The following UBE3A variants were observed in gnomAD, a reference collection of about 807,000 sequenced individuals.
UBE3A encodes the protein ubiquitin protein ligase E3A, also known as ubiquitin-protein ligase E3A.
In UBE3A, 6 loss-of-function variants were observed where a neutral mutation model predicts 83.4. That is an observed-to-expected ratio of 0.07 (90% CI 0.04 to 0.14). The LOEUF (loss-of-function observed/expected upper bound fraction) is 0.14, where lower values mean the gene tolerates loss of function less well. UBE3A is among the 10% of genes least tolerant of loss of function. The pLI is 1.00. For synonymous variants in UBE3A, 337 were observed against 355.4 expected (o/e 0.95, Z 0.58); for missense variants, 456 against 1,036.1 (o/e 0.44, Z 7.69).
intron 12 of UBE3A, 102 bp downstream of exon 12, chr15:25,339,983 A>G: frequency 6.8e-7 from 1 of 1,468,442 alleles, no homozygotes; most frequent in Admixed American, 1.7e-5. Flanking sequence ...TTGTATATAA[A>G]ATCACGAATG....
intron 11 of UBE3A, among the ~76,000 whole-genome samples, chr15:25,342,474 G>C (rs1033398890): frequency 2.6e-5 from 4 of 152,074 alleles, no homozygotes; most frequent in Non-Finnish European, 5.9e-5. Flanking sequence ...ATTCCTATAA[G>C]TGTTATGTGT....
At chr15:25,408,401 T>A in intron 3 of UBE3A, 1 of 628,452 alleles carries the variant, frequency 1.6e-6, no homozygotes, top group Non-Finnish European at 2.8e-6. Flanking sequence ...GAAATTTTTG[T>A]ATTAAACTAT....
intron 4 of UBE3A, among the ~76,000 whole-genome samples, chr15:25,380,611 C>T (rs2082017133): frequency 1.3e-5 from 2 of 151,904 alleles, no homozygotes; most frequent in Non-Finnish European, 2.9e-5. Flanking sequence ...GGAGAGGATG[C>T]AAAAGAAAAA....
intron 1 of UBE3A, among the ~76,000 whole-genome samples, chr15:25,428,104 GA>G (rs1891951715): frequency 6.6e-6 from 1 of 152,012 alleles, no homozygotes; most frequent in Non-Finnish European, 1.5e-5. Context: ...GACAAAGGCA[GA>G]AGAACATAAC....
At chr15:25,379,821 G>A (rs1057150088) in intron 4 of UBE3A, among the ~76,000 whole-genome samples, 2 of 152,038 alleles carry the variant, frequency 1.3e-5, no homozygotes, top group Non-Finnish European at 2.9e-5. Context: ...ATTTTTAAAT[G>A]GCTGGAAAAA....
At chr15:25,375,899 G>C (rs2081122737) in intron 4 of UBE3A, 136 bp from the exon 5 acceptor site, 1 of 914,710 alleles carries the variant, frequency 1.1e-6, no homozygotes, top group Non-Finnish European at 1.7e-6. Flanking sequence ...GTAGAAAATG[G>C]AGATGCACTA....
chr15:25,358,045 C>A (rs1047534013), intron 7 of UBE3A, among the ~76,000 whole-genome samples: 1 of 151,524 alleles, frequency 6.6e-6, no homozygotes, highest in Non-Finnish European at 1.5e-5. Context: ...GGACTACAGG[C>A]GCCTGCGTGG....
At chr15:25,393,311 CTGAGA>C (rs1172423519) in intron 4 of UBE3A, among the ~76,000 whole-genome samples, 8 of 152,064 alleles carry the variant, frequency 5.3e-5, no homozygotes, top group African/African-American at 1.9e-4. Context: ...ATGCTACAAG[CTGAGA>C]TGTTAGTAAA....
chr15:25,342,811 C>G (rs1213173590), intron 11 of UBE3A, among the ~76,000 whole-genome samples: 1 of 152,244 alleles, frequency 6.6e-6, no homozygotes, highest in East Asian at 1.9e-4. Flanking sequence ...CCCACCCCCT[C>G]CACCACCTGC....
chr15:25,379,711 G>A (rs540402721), intron 4 of UBE3A, among the ~76,000 whole-genome samples: 6 of 152,202 alleles, frequency 3.9e-5, no homozygotes, highest in East Asian at 1.9e-4. Flanking sequence ...TAGTTCCTGC[G>A]CAAGGGAAAT....
chr15:25,362,024 T>A (rs1258148157), intron 6 of UBE3A, among the ~76,000 whole-genome samples: 1 of 152,224 alleles, frequency 6.6e-6, no homozygotes, highest in Admixed American at 6.5e-5. Context: ...TAGTGGGTAG[T>A]CTAATCCATT....
chr15:25,362,138 A>C (rs1160616830), intron 6 of UBE3A, among the ~76,000 whole-genome samples: 1 of 152,204 alleles, frequency 6.6e-6, no homozygotes, highest in African/African-American at 2.4e-5. Flanking sequence ...ACAGATGGAT[A>C]AGCATGTACT....
intron 1 of UBE3A, among the ~76,000 whole-genome samples, chr15:25,434,936 C>A (rs1894555391): frequency 6.6e-6 from 1 of 150,834 alleles, no homozygotes; most frequent in Non-Finnish European, 1.5e-5. Context: ...TTGAAGACAA[C>A]TGCCGGAGTA....
At position 25,375,259 on chromosome 15, in the gene UBE3A, T is replaced by A. The variant is rs1171787055; in HGVS notation, c.361+206A>T. The A allele has an allele frequency of 6.7e-6, 4 of 599,022 alleles. No homozygotes were observed. In the African/African-American group the frequency reaches 7.4e-5, roughly 11 times the overall value. The allele number at this position is 599,022 out of a possible 1,614,324, so 37.1% of individuals were successfully genotyped here. On this transcript the variant is annotated intron_variant, in intron 5 of 12. Coordinates refer to ENST00000648336, the MANE Select transcript of UBE3A (RefSeq NM_130839.5). ...AAATCAATCTATTAACAAATGAACT[T>A]TTGGCATATGATCTGCTTCTAATTA...
At chr15:25,359,418 CGTGTGTGTGTGTGTGTGT>C (rs60677664) in intron 7 of UBE3A, among the ~76,000 whole-genome samples, 50 of 138,924 alleles carry the variant, frequency 3.6e-4, no homozygotes, top group Non-Finnish European at 4.1e-4. Context: ...ATAAGGGATG[CGTGTGTGTGTGTGTGTGT>C]GTGTGTGTGT....
chr15:25,384,817 T>C (rs2082824118), intron 4 of UBE3A, among the ~76,000 whole-genome samples: 1 of 152,110 alleles, frequency 6.6e-6, no homozygotes, highest in African/African-American at 2.4e-5. Context: ...AAGACAGATA[T>C]ACAGACCAAG....
chr15:25,427,265 A>G lies in UBE3A; in HGVS notation c.-165+11224T>C, dbSNP rs1413887430. 5.3e-5 allele frequency among the ~76,000 whole-genome samples: 8 copies of G among 152,258 alleles called. No individual in the cohort carries two copies. The East Asian group carries it at 1.2e-3, about 22-fold the overall frequency. On this transcript the variant is annotated intron_variant, in intron 1 of 12. Coordinates refer to ENST00000648336, the MANE Select transcript of UBE3A (RefSeq NM_130839.5). ...CACGACTCAGAATTCAATTAACAGT[A>G]TAATATAAAGAAGCCCCAAACCAAT...
intron 1 of UBE3A, among the ~76,000 whole-genome samples, chr15:25,431,333 A>T (rs570638650): frequency 6.6e-6 from 1 of 152,100 alleles, no homozygotes; most frequent in African/African-American, 2.4e-5. Flanking sequence ...GATCTTAAAC[A>T]GCATATTTTC....
At position 25,338,307 on chromosome 15, in the gene UBE3A, A is replaced by AAACTT. The variant is rs1444439224; in HGVS notation, c.*825_*829dup. The AAACTT allele has an allele frequency of 1.4e-4, 22 of 152,300 alleles. No individual in the cohort carries two copies. Among genetic ancestry groups the AAACTT allele is most frequent in the African/African-American group, 4.3e-4 (18 of 41,568 alleles). The allele number at this position is 152,300 out of a possible 1,614,324, so 9.4% of individuals were successfully genotyped here. On this transcript the variant is annotated 3_prime_UTR_variant, in exon 13 of 13. Transcript: ENST00000648336. ...TTTGGCCAAATGCACTTTCCCCAGT[A>AAACTT]AACTTAAAACAACAACGAGAACAAC...
Sources: gnomAD v4.1 joint callset for allele counts (sites outside exome capture counted in the v4.1 genomes callset) on GRCh38, gnomAD v4.1.1 for gene constraint, MANE v1.5 for transcripts, NCBI Gene and HGNC (gene_info 2026-07-23, HGNC 2026-07-21) for gene names.